Variants in VAMP5 observed in about 807,000 individuals in gnomAD.
The protein encoded by VAMP5 is vesicle-associated membrane protein 5.
Under a neutral mutation model 8.1 loss-of-function variants are expected in VAMP5, and 10 were observed. The ratio of observed to expected loss-of-function variants is 1.23; its 90% CI spans 0.76 to 2.09. The LOEUF (loss-of-function observed/expected upper bound fraction) is 2.09, where lower values mean the gene tolerates loss of function less well. Ranked by LOEUF, VAMP5 falls within the 30% of genes most tolerant of loss-of-function variation. The pLI is 0.00. For missense variants in VAMP5, 135 were observed against 152.5 expected (o/e 0.89, Z 0.60); for synonymous variants, 62 against 60.6 (o/e 1.02, Z -0.11).
Position 85,591,827 on chromosome 2 carries a change from G to T in VAMP5, c.106G>T (p.Glu36Ter). Residue 36 changes from glutamate to a stop codon, truncating the protein, a stop_gained, in exon 2 of 3, where the codon GAA becomes TAA. Transcript: ENST00000306384. LOFTEE classifies it high-confidence loss of function. ...CCTGGAGCGTGGTGTGAAGCTGGCC[G>T]AACTGCAGCAGCGTTCAGACCAACT... ...KVLERGVKLA[E>*]LQQRSDQLLD... The T allele has an allele frequency of 6.2e-7, 1 of 1,614,174 alleles. No homozygotes were observed. Among genetic ancestry groups the T allele is most frequent in the Non-Finnish European group, 8.5e-7 (1 of 1,180,034 alleles).
Position 85,593,187 on chromosome 2 carries a change from G to A in VAMP5, c.*30G>A, listed in dbSNP as rs1419049041. On this transcript the variant is annotated 3_prime_UTR_variant, in exon 3 of 3. Coordinates refer to ENST00000306384, the MANE Select transcript of VAMP5 (RefSeq NM_006634.3). ...GCTGGTCCTGAAGGAGAAGCCAAAT[G>A]GCTGCACTGGCCGATTCTGGTCTCC... 2.5e-6 allele frequency: 4 copies of A among 1,611,718 alleles called. No homozygotes were observed. Among genetic ancestry groups the A allele is most frequent in the Non-Finnish European group, 3.4e-6 (4 of 1,178,982 alleles).
chr2:85,584,436 G>T lies in VAMP5; in HGVS notation c.-55G>T, dbSNP rs1271302037. 1 of 1,242,608 alleles carries T rather than the reference G, an allele frequency of 8.0e-7. No homozygotes were observed. Among genetic ancestry groups the T allele is most frequent in the Admixed American group, 4.1e-5 (1 of 24,136 alleles). 77.0% of individuals were successfully genotyped at this position (1,242,608 alleles called of 1,614,324 possible). A position where few individuals can be genotyped will look rare whatever the true frequency, so the allele number is the denominator to read the frequency against. ...CTTCCTCCGGGGCCGCTGGCACTGC[G>T]GCCGCTCCGCAGGCAGAGAAGCCGG... On this transcript the variant is annotated 5_prime_UTR_variant, in exon 1 of 3. Transcript: ENST00000306384.
At chr2:85,585,486 A>G (rs535667163) in intron 1 of VAMP5, among the ~76,000 whole-genome samples, 2 of 152,340 alleles carry the variant, frequency 1.3e-5, no homozygotes, top group East Asian at 1.9e-4. Context: ...GCAGGAAGGT[A>G]GCACTGAGCT....
At chr2:85,588,464 A>G (rs966112680) in intron 1 of VAMP5, among the ~76,000 whole-genome samples, 1 of 152,038 alleles carries the variant, frequency 6.6e-6, no homozygotes, top group Non-Finnish European at 1.5e-5. Flanking sequence ...TTCTGGCCTC[A>G]GGTCTCAGAA....
At chr2:85,591,568 G>A in intron 1 of VAMP5, 157 bp from the exon 2 acceptor site, 1 of 1,153,812 alleles carries the variant, frequency 8.7e-7, no homozygotes, top group Non-Finnish European at 1.2e-6. Context: ...CCGAAGGCCA[G>A]ACCTTCACTC....
In VAMP5 at chr2:85,592,854, G is replaced by C. The variant is rs568273945; in HGVS notation, c.142-94G>C. Reference sequence around the variant, plus strand: ...ACAAGATGGGGAGGATGCAGGAGGAGACTAAGCCTTACTGAGATGGGGTTG... The same window carrying C: ...ACAAGATGGGGAGGATGCAGGAGGACACTAAGCCTTACTGAGATGGGGTTG... On this transcript the variant is annotated intron_variant, in intron 2 of 2. Transcript: ENST00000306384. The C allele has an allele frequency of 2.3e-5, 29 of 1,246,952 alleles. No homozygotes were observed. In the African/African-American group the frequency reaches 4.0e-4, roughly 17 times the overall value. The allele number at this position is 1,246,952 out of a possible 1,614,324, so 77.2% of individuals were successfully genotyped here.
chr2:85,593,368 C>G lies in VAMP5; in HGVS notation c.*211C>G, dbSNP rs1487738219. 2 of 603,068 alleles carry G rather than the reference C, an allele frequency of 3.3e-6. No individual in the cohort carries two copies. Among genetic ancestry groups the G allele is most frequent in the Non-Finnish European group, 5.9e-6 (2 of 341,134 alleles). 37.4% of individuals were successfully genotyped at this position (603,068 alleles called of 1,614,324 possible). A position where few individuals can be genotyped will look rare whatever the true frequency, so the allele number is the denominator to read the frequency against. ...TGCTGGGCCAGCCCCACCTGGAGCT[C>G]AGTAAAAACTGCTGTTTGATTAAAA... On this transcript the variant is annotated 3_prime_UTR_variant, in exon 3 of 3. Transcript: ENST00000306384.
intron 1 of VAMP5, among the ~76,000 whole-genome samples, chr2:85,590,293 G>T (rs1447570159): frequency 6.6e-6 from 1 of 152,174 alleles, no homozygotes; most frequent in African/African-American, 2.4e-5. Context: ...TTGAGAATAA[G>T]AATTGCTTTT....
At chr2:85,585,630 A>T (rs113212441) in intron 1 of VAMP5, among the ~76,000 whole-genome samples, 1,663 of 152,300 alleles carry the variant, frequency 0.011, 37 homozygotes, top group African/African-American at 0.038. Flanking sequence ...CTTTGGGAGA[A>T]GCTCCTGAAG....
rs1173626669 is a variant in VAMP5, at chr2:85,584,578, G to T, written c.3+85G>T. On this transcript the variant is annotated intron_variant, in intron 1 of 2. Transcript: ENST00000306384. Reference sequence around the variant, plus strand: ...GGGAGAGAGGAGTCCAAAGTCCGCGGGCTGGGGCCTCCCCTGGGGCCCACG... The same window carrying T: ...GGGAGAGAGGAGTCCAAAGTCCGCGTGCTGGGGCCTCCCCTGGGGCCCACG... 3 of 1,229,542 alleles carry T rather than the reference G, an allele frequency of 2.4e-6. No homozygotes were observed. The East Asian group carries it at 9.5e-5, about 39-fold the overall frequency. The allele number at this position is 1,229,542 out of a possible 1,614,324, so 76.2% of individuals were successfully genotyped here.
intron 1 of VAMP5, among the ~76,000 whole-genome samples, chr2:85,590,253 G>A (rs568434774): frequency 7.9e-5 from 12 of 152,268 alleles, no homozygotes; most frequent in South Asian, 4.1e-4. Flanking sequence ...ACTCATGCAG[G>A]GCTAGAAAAA....
intron 1 of VAMP5, among the ~76,000 whole-genome samples, chr2:85,590,706 G>A (rs1212565756): frequency 6.6e-6 from 1 of 152,196 alleles, no homozygotes; most frequent in Non-Finnish European, 1.5e-5. Context: ...TGGGCTGTGG[G>A]GAAGTAGGCT....
intron 1 of VAMP5, among the ~76,000 whole-genome samples, chr2:85,589,912 G>A (rs1672514801): frequency 6.6e-6 from 1 of 152,082 alleles, no homozygotes; most frequent in Non-Finnish European, 1.5e-5. Context: ...CCTGCCTGGG[G>A]CTCCCAAAGT....
chr2:85,585,147 G>A (rs969371875), intron 1 of VAMP5, among the ~76,000 whole-genome samples: 2 of 152,228 alleles, frequency 1.3e-5, no homozygotes, highest in African/African-American at 2.4e-5. Flanking sequence ...AAGTTCCACT[G>A]AAGTTATCAG....
chr2:85,591,404 A>G (rs1672535872), intron 1 of VAMP5, among the ~76,000 whole-genome samples: 1 of 152,086 alleles, frequency 6.6e-6, no homozygotes, highest in Non-Finnish European at 1.5e-5. Context: ...GAAAAGAATC[A>G]GCTTTGTGGG....
rs555919206 is a variant in VAMP5, at chr2:85,592,993, T to G, written c.187T>G (p.Cys63Gly). ...TACACAGAACCTGGCCCAGAAGAAG[T>G]GCTGGGAGAACATCCGTTACCGGAT... Reference protein sequence around the residue: ...KTTQNLAQKKCWENIRYRICV... With the variant: ...KTTQNLAQKKGWENIRYRICV... The change falls in exon 3 of 3, where the codon TGC (cysteine) becomes GGC (glycine). Residue 63 changes from cysteine to glycine, a missense_variant. By Grantham distance (159) the Cys-to-Gly change is radical. Coordinates refer to ENST00000306384, the MANE Select transcript of VAMP5 (RefSeq NM_006634.3). The G allele has an allele frequency of 1.9e-6, 3 of 1,614,056 alleles. No homozygotes were observed. In the East Asian group the frequency reaches 6.7e-5, roughly 36 times the overall value.
intron 1 of VAMP5, among the ~76,000 whole-genome samples, chr2:85,590,016 A>C (rs184390471): frequency 1.4e-4 from 22 of 152,212 alleles, no homozygotes; most frequent in African/African-American, 5.3e-4. Context: ...AGCCTTGTTG[A>C]ATGCTATAGT....
intron 1 of VAMP5, 169 bp from the exon 2 acceptor site, chr2:85,591,556 C>T (rs1672537308): frequency 4.0e-6 from 4 of 1,008,348 alleles, no homozygotes; most frequent in Non-Finnish European, 5.7e-6. Context: ...GCCGCACTCA[C>T]CCCGAAGGCC....
intron 1 of VAMP5, among the ~76,000 whole-genome samples, chr2:85,589,339 C>T (rs912521755): frequency 3.9e-5 from 6 of 152,074 alleles, no homozygotes; most frequent in African/African-American, 1.4e-4. Flanking sequence ...AAGGAGGGCC[C>T]GAGACTTGAG....
Sources: gnomAD v4.1 joint callset for allele counts (sites outside exome capture counted in the v4.1 genomes callset) on GRCh38, gnomAD v4.1.1 for gene constraint, MANE v1.5 for transcripts, NCBI Gene and HGNC (gene_info 2026-07-23, HGNC 2026-07-21) for gene names.